Variants in TCF3 observed in about 807,000 individuals in gnomAD.
TCF3 encodes the protein transcription factor E2-alpha.
In TCF3, 54 loss-of-function variants were observed where a neutral mutation model predicts 72.3. The ratio of observed to expected loss-of-function variants is 0.75; its 90% CI spans 0.60 to 0.94. TCF3 has a LOEUF of 0.94. Ranked by LOEUF, TCF3 falls within the 40% of genes least tolerant of loss-of-function variation. The pLI, the probability that TCF3 is intolerant of heterozygous loss-of-function variation, is 0.00. For missense variants in TCF3, 1,078 were observed against 934.4 expected, an observed-to-expected ratio of 1.15 and a Z score of -2.00; for synonymous variants, 525 against 412.6, an observed-to-expected ratio of 1.27 and a Z score of -3.30.
chr19:1,650,224 G>T lies in TCF3; in HGVS notation c.25C>A (p.Pro9Thr). 1 of 1,571,620 alleles carries T rather than the reference G, an allele frequency of 6.4e-7. No individual in the cohort carries two copies. Reference sequence around the variant, plus strand: ...CTGAGCTCCTTGTCTGTGCCCACAGGCGCCATCCTCTGCGGCTGGTTCATT... The same window carrying T: ...CTGAGCTCCTTGTCTGTGCCCACAGTCGCCATCCTCTGCGGCTGGTTCATT... MNQPQRMA[P>T]VGTDKELSDL... is the part of the protein sequence containing the mutation. The change falls in exon 2 of 19, where the codon CCT becomes ACT. Residue 9 changes from proline (P) to threonine (T), a missense_variant. Physicochemically the swap from Pro to Thr is conservative, Grantham distance 38 (BLOSUM62 -1). Transcript: ENST00000262965.
In TCF3 at chr19:1,614,208, C is replaced by T. The variant is rs1337931789; in HGVS notation, c.1822+1077G>A. ...GGGGGCTGCCTCACCCACTTGCCTG[C>T]CCACCCTGCCTTAGGGGCCTGAGGG... On this transcript the variant is annotated intron_variant, in intron 18 of 18. Coordinates refer to ENST00000262965, the MANE Select transcript of TCF3 (RefSeq NM_003200.5). This position sits in a 1 kb window ranked among gnomAD's most constrained non-coding sequence, Gnocchi z 5.6. Among the ~76,000 whole-genome samples, 1 of 152,230 alleles carries T rather than the reference C, an allele frequency of 6.6e-6. No homozygotes were observed. The highest frequency in any genetic ancestry group is 2.1e-4 in the South Asian group (1 of 4,834).
chr19:1,623,534 C>A (rs1454983398), intron 8 of TCF3, among the ~76,000 whole-genome samples: 1 of 152,102 alleles, frequency 6.6e-6, no homozygotes, highest in African/African-American at 2.4e-5. Flanking sequence ...CAGGCACGCA[C>A]CACCACGCCC....
intron 3 of TCF3, 52 bp from the exon 4 acceptor site, chr19:1,632,457 T>C: frequency 1.3e-6 from 2 of 1,530,248 alleles, no homozygotes; most frequent in Non-Finnish European, 1.8e-6. Context: ...TGCCCAGCTC[T>C]AAAAGCTTCG....
chr19:1,622,775 C>T (rs1467925622), intron 8 of TCF3, among the ~76,000 whole-genome samples: 2 of 152,196 alleles, frequency 1.3e-5, no homozygotes, highest in Admixed American at 1.3e-4. Flanking sequence ...CCATCCTTCT[C>T]CCTTGTTCCC....
intron 1 of TCF3, among the ~76,000 whole-genome samples, chr19:1,651,575 G>A (rs953443892): frequency 2.0e-5 from 3 of 152,294 alleles, no homozygotes; most frequent in African/African-American, 7.2e-5. Context: ...CTTCTGGGGC[G>A]TCCCAAGGAC....
chr19:1,649,172 G>A (rs899934102), intron 2 of TCF3, among the ~76,000 whole-genome samples: 3 of 152,348 alleles, frequency 2.0e-5, no homozygotes, highest in Middle Eastern at 6.8e-3. Flanking sequence ...GATAACCGTG[G>A]CAGTCACAAT....
intron 3 of TCF3, among the ~76,000 whole-genome samples, chr19:1,639,499 T>C (rs891477054): frequency 6.6e-6 from 1 of 152,100 alleles, no homozygotes; most frequent in African/African-American, 2.4e-5. Flanking sequence ...AGCCTGACAT[T>C]AAACAGATTA....
At chr19:1,621,781 C>T in intron 11 of TCF3, 57 bp downstream of exon 11, 1 of 1,500,086 alleles carries the variant, frequency 6.7e-7, no homozygotes, top group East Asian at 2.4e-5. Flanking sequence ...CCCACCCAGA[C>T]CCTGCCTGGA....
chr19:1,612,127 A>C (rs1359819563), intron 18 of TCF3: 1 of 1,407,194 alleles, frequency 7.1e-7, no homozygotes, highest in African/African-American at 1.4e-5. Context: ...GGGGGCGGCA[A>C]GCACAGGAGG....
chr19:1,627,024 A>G lies in TCF3; in HGVS notation c.366+335T>C, dbSNP rs181709623. On this transcript the variant is annotated intron_variant, in intron 6 of 18. Coordinates refer to ENST00000262965, the MANE Select transcript of TCF3 (RefSeq NM_003200.5). ...GCGTGGGTGAGGATCTCGGCTGCAC[A>G]GGGGCCTGTTGTATGGGCTCCCCAG... Among the ~76,000 whole-genome samples, 555 of 151,200 alleles carry G rather than the reference A, an allele frequency of 3.7e-3. 5 individuals are homozygous for G. Among genetic ancestry groups the G allele is most frequent in the African/African-American group, 0.013 (528 of 41,128 alleles).
At chr19:1,646,287 G>A (rs939219424) in intron 3 of TCF3, 68 bp downstream of exon 3, 68 of 1,476,042 alleles carry the variant, frequency 4.6e-5, no homozygotes, top group Middle Eastern at 1.7e-4. Context: ...TCCCTCGCCC[G>A]CACACTGTCT....
At chr19:1,652,139 G>A (rs2067213310) in intron 1 of TCF3, among the ~76,000 whole-genome samples, 161 bp downstream of exon 1, 2 of 149,608 alleles carry the variant, frequency 1.3e-5, no homozygotes, top group Non-Finnish European at 1.5e-5. Flanking sequence ...GCGCGAAGTT[G>A]GAGAACAATG....
rs1326385889 is a variant in TCF3 at position 1,611,156 on chromosome 19, AG to A, written c.*550del. The stretch of plus-strand genomic sequence containing the variant: ...TCCTTGCTAATTTTCATCTACATTA[AG>A]AAAAAAAAAATCTTGTAACTAATGT... On this transcript the variant is annotated 3_prime_UTR_variant, in exon 19 of 19. Transcript: ENST00000262965. 1 of 239,312 alleles carries A rather than the reference AG, an allele frequency of 4.2e-6. No individual in the cohort carries two copies. The highest frequency in any genetic ancestry group is 2.2e-5 in the African/African-American group (1 of 45,510). 14.8% of individuals were successfully genotyped at this position (239,312 alleles called of 1,614,324 possible).
intron 6 of TCF3, among the ~76,000 whole-genome samples, chr19:1,626,792 C>G (rs988301324): frequency 6.6e-6 from 1 of 152,222 alleles, no homozygotes; most frequent in Admixed American, 6.5e-5. Context: ...GCTACTGTTG[C>G]TCTGGCTTGG....
Position 1,625,671 on chromosome 19 carries a change from G to T in TCF3, c.404C>A (p.Pro135His). 1 of 1,525,970 alleles carries T rather than the reference G, an allele frequency of 6.6e-7. No individual in the cohort carries two copies. The highest frequency in any genetic ancestry group is 8.7e-7 in the Non-Finnish European group (1 of 1,143,548). The allele number at this position is 1,525,970 out of a possible 1,614,324, so 94.5% of individuals were successfully genotyped here. A position where few individuals can be genotyped will look rare whatever the true frequency, so the allele number is the denominator to read the frequency against. ...FLSGELALNS[P>H]GPLSPSGMKG... ...CATGCCCGAAGGGGACAGGGGCCCG[G>T]GGCTGTTGAGGGCCAGCTCGCCTGA... Residue 135 changes from proline (P) to histidine (H), a missense_variant, in exon 7 of 19, where the codon CCC becomes CAC. Coordinates refer to ENST00000262965, the MANE Select transcript of TCF3 (RefSeq NM_003200.5).
At chr19:1,651,239 AG>A in intron 1 of TCF3, 1 of 226,952 alleles carries the variant, frequency 4.4e-6, no homozygotes. Flanking sequence ...GACTTTCCCC[AG>A]GGGTCCCCAG....
chr19:1,643,017 T>C (rs2065563789), intron 3 of TCF3, among the ~76,000 whole-genome samples: 2 of 152,148 alleles, frequency 1.3e-5, no homozygotes, highest in Admixed American at 1.3e-4. Context: ...CAATAAGCAA[T>C]TTCCTGGTGT....
chr19:1,650,281 G>A lies in TCF3; in HGVS notation c.-33C>T, dbSNP rs775084530. 8 of 1,546,022 alleles carry A rather than the reference G, an allele frequency of 5.2e-6. No individual in the cohort carries two copies. Among genetic ancestry groups the A allele is most frequent in the African/African-American group, 4.1e-5 (3 of 73,528 alleles). On this transcript the variant is annotated 5_prime_UTR_variant, in exon 2 of 19. An upstream open reading frame in the 5' UTR gains an earlier in-frame stop. Coordinates refer to ENST00000262965, the MANE Select transcript of TCF3 (RefSeq NM_003200.5). ...GGGCCAGGGCGGGCACCTCAGGCCT[G>A]GAAACCCTGCTTGGTGGATGTGGGG...
intron 13 of TCF3, among the ~76,000 whole-genome samples, chr19:1,620,061 ATC>A (rs557617352): frequency 1.2e-3 from 182 of 152,242 alleles, no homozygotes; most frequent in African/African-American, 4.1e-3. Flanking sequence ...TGCCATTCCT[ATC>A]TCTGAGCCTC....
Sources: gnomAD v4.1 joint callset for allele counts (sites outside exome capture counted in the v4.1 genomes callset) on GRCh38, gnomAD v4.1.1 for gene constraint, Gnocchi (gnomAD v3.1) non-coding constraint, MANE v1.5 for transcripts, NCBI Gene and HGNC (gene_info 2026-07-23, HGNC 2026-07-21) for gene names.